The following VNN1 variants were observed in gnomAD, a reference collection of about 807,000 sequenced individuals.
VNN1 encodes pantetheinase.
Under a neutral mutation model 41.9 loss-of-function variants are expected in VNN1, and 29 were observed. The observed-to-expected ratio is 0.69, with a 90% confidence interval of 0.52 to 0.94. The LOEUF (loss-of-function observed/expected upper bound fraction) is 0.94, where lower values mean the gene tolerates loss of function less well. Among genes scored for constraint, VNN1 ranks in the 40% least tolerant of loss-of-function variants. The probability of loss-of-function intolerance (pLI) is 0.00; values close to 1 mark genes in which losing one functional copy is unlikely to be tolerated. For synonymous variants in VNN1, 233 were observed against 224.4 expected, an observed-to-expected ratio of 1.04 and a Z score of -0.34; for missense variants, 637 against 621.1, an observed-to-expected ratio of 1.03 and a Z score of -0.27.
intron 4 of VNN1, 36 bp from the exon 5 acceptor site, chr6:132,692,620 G>A: frequency 1.3e-6 from 2 of 1,517,738 alleles, no homozygotes; most frequent in Non-Finnish European, 1.7e-6. Context: ...ATTTGAAATT[G>A]GAAAGTAAAA....
intron 2 of VNN1, among the ~76,000 whole-genome samples, chr6:132,705,995 T>C (rs1778512019): frequency 6.6e-6 from 1 of 152,092 alleles, no homozygotes; most frequent in Non-Finnish European, 1.5e-5. Flanking sequence ...TGTAAAACAT[T>C]GATGTAAGAA....
At chr6:132,702,554 T>C (rs369739935) in intron 2 of VNN1, among the ~76,000 whole-genome samples, 12 of 152,014 alleles carry the variant, frequency 7.9e-5, no homozygotes, top group South Asian at 4.1e-4. Context: ...AAAGGAGTGG[T>C]TGCATCAACC....
rs775339906 is a variant in VNN1, at chr6:132,692,236, C to T, written c.1175G>A (p.Arg392His). 2.7e-5 allele frequency: 43 copies of T among 1,571,732 alleles called. No homozygotes were observed. Among genetic ancestry groups the T allele is most frequent in the Admixed American group, 2.7e-4 (14 of 52,196 alleles). The change falls in exon 5 of 7, where the codon CGC becomes CAC. Residue 392 changes from arginine (R) to histidine (H), a missense_variant. Physicochemically the swap from Arg to His is conservative, Grantham distance 29 (BLOSUM62 0). Coordinates refer to ENST00000367928, the MANE Select transcript of VNN1 (RefSeq NM_004666.3). ...AFDGLHTVEGRYYLQICTLLK... is the reference protein window; with the variant it reads ...AFDGLHTVEGHYYLQICTLLK... The stretch of plus-strand genomic sequence containing the variant: ...TCAAAATATTACCTGTAGATAATAG[C>T]GCCCTTCCACAGTGTGCAGTCCGTC...
In VNN1 at chr6:132,683,012, T is replaced by A; in HGVS notation, c.*128A>T. ...GTTTATATTATCTGGTGTGTGTGTG[T>A]TTGTCTAAATAAAGAGAAACTAGTA... On this transcript the variant is annotated 3_prime_UTR_variant, in exon 7 of 7. Coordinates refer to ENST00000367928, the MANE Select transcript of VNN1 (RefSeq NM_004666.3). The A allele has an allele frequency of 1.4e-6, 1 of 709,552 alleles. No homozygotes were observed. Among genetic ancestry groups the A allele is most frequent in the Non-Finnish European group, 2.2e-6 (1 of 460,152 alleles). The allele number at this position is 709,552 out of a possible 1,614,324, so 44.0% of individuals were successfully genotyped here.
chr6:132,693,243 A>C lies in VNN1; in HGVS notation c.607T>G (p.Phe203Val). ...EPEIVTFNTTFGSFGIFTCFD... is the reference protein window; with the variant it reads ...EPEIVTFNTTVGSFGIFTCFD... ...CATGTGAAAATGCCAAAACTTCCAA[A>C]GGTGGTATTGAAAGTCACAATCTCA... Residue 203 changes from phenylalanine to valine, a missense_variant, in exon 4 of 7, where the codon TTT (phenylalanine) becomes GTT (valine). Coordinates refer to ENST00000367928, the MANE Select transcript of VNN1 (RefSeq NM_004666.3). 6.2e-7 allele frequency: 1 copy of C among 1,614,142 alleles called. No homozygotes were observed. Among genetic ancestry groups the C allele is most frequent in the East Asian group, 2.2e-5 (1 of 44,870 alleles).
intron 2 of VNN1, among the ~76,000 whole-genome samples, chr6:132,695,761 G>C (rs1436587256): frequency 1.3e-5 from 2 of 152,090 alleles, no homozygotes; most frequent in African/African-American, 4.8e-5. Context: ...CCCAGGGAAA[G>C]GTACAGACTC....
chr6:132,698,482 T>C (rs1184668526), intron 2 of VNN1, among the ~76,000 whole-genome samples: 1 of 152,278 alleles, frequency 6.6e-6, no homozygotes, highest in African/African-American at 2.4e-5. Flanking sequence ...GTGGTTGCTA[T>C]GCTTATAAAG....
rs1371592586 is a variant in VNN1, at chr6:132,682,283, G to C, written c.*857C>G. ...AGGTAAGCCTTTTGTTGAAGCTTCA[G>C]ATTACAGTAGAAAACAGTAGTGGTG... On this transcript the variant is annotated 3_prime_UTR_variant, in exon 7 of 7. Transcript: ENST00000367928. The C allele has an allele frequency of 6.6e-6, 1 of 152,210 alleles. No homozygotes were observed. The highest frequency in any genetic ancestry group is 1.9e-4 in the East Asian group (1 of 5,194). 9.4% of individuals were successfully genotyped at this position (152,210 alleles called of 1,614,324 possible).
At chr6:132,700,038 A>T (rs1278584335) in intron 2 of VNN1, among the ~76,000 whole-genome samples, 1 of 152,230 alleles carries the variant, frequency 6.6e-6, no homozygotes, top group Non-Finnish European at 1.5e-5. Context: ...AAGTTACACA[A>T]GCCTGAGTAA....
At position 132,682,817 on chromosome 6, in the gene VNN1, C is replaced by T. The variant is rs73559706; in HGVS notation, c.*323G>A. On this transcript the variant is annotated 3_prime_UTR_variant, in exon 7 of 7. Coordinates refer to ENST00000367928, the MANE Select transcript of VNN1 (RefSeq NM_004666.3). ...ATAAAAGTGGTAACAAGAGCAGCCTCCTTGTAAGTAAATTTTATGATAGTT... is the reference window on the plus strand; with the variant it reads ...ATAAAAGTGGTAACAAGAGCAGCCTTCTTGTAAGTAAATTTTATGATAGTT... 4,299 of 169,718 alleles carry T rather than the reference C, an allele frequency of 0.025. 198 individuals carry two copies. Among genetic ancestry groups the T allele is most frequent in the African/African-American group, 0.097 (4,072 of 42,164 alleles). 10.5% of individuals were successfully genotyped at this position (169,718 alleles called of 1,614,324 possible). A position where few individuals can be genotyped will look rare whatever the true frequency, so the allele number is the denominator to read the frequency against.
At chr6:132,707,820 G>C (rs963715133) in intron 2 of VNN1, among the ~76,000 whole-genome samples, 2 of 151,970 alleles carry the variant, frequency 1.3e-5, no homozygotes, top group African/African-American at 4.8e-5. Context: ...AGATTAATGG[G>C]TACAAAAAAA....
intron 2 of VNN1, among the ~76,000 whole-genome samples, chr6:132,710,529 G>A (rs368044745): frequency 1.3e-5 from 2 of 151,844 alleles, no homozygotes; most frequent in African/African-American, 2.4e-5. Context: ...CTTAGCCCCC[G>A]ACTCCCCGAC....
rs765446138 is a variant in VNN1 at position 132,694,060 on chromosome 6, TC to T, written c.463del (p.Asp155MetfsTer43). ...ATCAGTGTTGTATTGGTAACGGCCATCAGGGGGACACTGAGGATCACTGGTA... is the reference window on the plus strand; with the variant it reads ...ATCAGTGTTGTATTGGTAACGGCCATAGGGGGACACTGAGGATCACTGGTA... ...CDTSDPQCPPDGRYQYNTDVV... is the reference protein window; with the variant it reads ...CDTSDPQCPPXGRYQYNTDVV... On this transcript the variant is annotated frameshift_variant, in exon 3 of 7. Coordinates refer to ENST00000367928, the MANE Select transcript of VNN1 (RefSeq NM_004666.3). LOFTEE classifies it high-confidence loss of function. 1.9e-6 allele frequency: 3 copies of T among 1,614,194 alleles called. No individual in the cohort carries two copies. The highest frequency in any genetic ancestry group is 2.5e-6 in the Non-Finnish European group (3 of 1,180,020).
In VNN1 at chr6:132,692,437, G is replaced by A. The variant is rs34535050; in HGVS notation, c.974C>T (p.Ala325Val). The change falls in exon 5 of 7, where the codon GCG becomes GTG. Residue 325 changes from alanine (A) to valine (V), a missense_variant. Coordinates refer to ENST00000367928, the MANE Select transcript of VNN1 (RefSeq NM_004666.3). ...AAATTCCTTGTTTCCTGATGAGAGC[G>A]CTTCTATACTGCTGGCATAGGAAGT... ...NWTSYASSIE[A>V]LSSGNKEFKG... is the part of the protein sequence containing the mutation. 2.3e-5 allele frequency: 37 copies of A among 1,613,946 alleles called. No individual in the cohort carries two copies. Among genetic ancestry groups the A allele is most frequent in the Non-Finnish European group, 3.0e-5 (35 of 1,180,018 alleles).
At position 132,692,270 on chromosome 6, in the gene VNN1, CT is replaced by C. The variant is rs1387742127; in HGVS notation, c.1140del (p.Ala382HisfsTer20). On this transcript the variant is annotated frameshift_variant, in exon 5 of 7. Coordinates refer to ENST00000367928, the MANE Select transcript of VNN1 (RefSeq NM_004666.3). LOFTEE classifies it high-confidence loss of function. ...SENIPNEVYA[L>X]GAFDGLHTVE... ...ACAGTGTGCAGTCCGTCAAATGCCC[CT>C]AGAGCGTACACTTCATTTGGTATGT... The C allele has an allele frequency of 1.9e-6, 3 of 1,613,012 alleles. No individual in the cohort carries two copies. The highest frequency in any genetic ancestry group is 2.5e-6 in the Non-Finnish European group (3 of 1,179,402).
chr6:132,701,148 C>T (rs190226396), intron 2 of VNN1, among the ~76,000 whole-genome samples: 10 of 152,252 alleles, frequency 6.6e-5, no homozygotes, highest in Non-Finnish European at 1.2e-4. Context: ...TAACATTGAT[C>T]TAACTTTCTA....
At position 132,713,935 on chromosome 6, in the gene VNN1, G is replaced by A. The variant is rs751192165; in HGVS notation, c.101C>T (p.Ala34Val). Residue 34 changes from alanine to valine, a missense_variant, in exon 1 of 7, where the codon GCG (alanine) becomes GTG (valine). By Grantham distance (64) the Ala-to-Val change is moderately conservative. Transcript: ENST00000367928. ...TFTAAVYEHA[A>V]ILPNATLTPV... The stretch of plus-strand genomic sequence containing the variant: ...TGTTAGGGTGGCATTGGGCAATATC[G>A]CTGCATGCTCATAAACAGCTGCAGT... 9.3e-6 allele frequency: 15 copies of A among 1,613,948 alleles called. No individual in the cohort carries two copies. The highest frequency in any genetic ancestry group is 1.1e-5 in the Non-Finnish European group (13 of 1,180,022).
At chr6:132,704,864 G>T (rs888884695) in intron 2 of VNN1, among the ~76,000 whole-genome samples, 3 of 151,688 alleles carry the variant, frequency 2.0e-5, no homozygotes, top group African/African-American at 4.8e-5. Context: ...AACCAATACT[G>T]CAGAAATTCA....
rs528544890 is a variant in VNN1 at position 132,681,506 on chromosome 6, G to A, written c.*1634C>T. 1.3e-5 allele frequency: 2 copies of A among 152,302 alleles called. No homozygotes were observed. The highest frequency in any genetic ancestry group is 4.8e-5 in the African/African-American group (2 of 41,562). 9.4% of individuals were successfully genotyped at this position (152,302 alleles called of 1,614,324 possible). ...AGATAATAAATGTTTGTTGTTTTAAGATAATAGTTTGGGGGCAATTCATTA... is the reference window on the plus strand; with the variant it reads ...AGATAATAAATGTTTGTTGTTTTAAAATAATAGTTTGGGGGCAATTCATTA... On this transcript the variant is annotated 3_prime_UTR_variant, in exon 7 of 7. Transcript: ENST00000367928.
Sources: gnomAD v4.1 joint callset for allele counts (sites outside exome capture counted in the v4.1 genomes callset) on GRCh38, gnomAD v4.1.1 for gene constraint, MANE v1.5 for transcripts, NCBI Gene and HGNC (gene_info 2026-07-23, HGNC 2026-07-21) for gene names.